SEC31A: variants seen among roughly 807,000 people sequenced by gnomAD.
The protein encoded by SEC31A is protein transport protein Sec31A.
A neutral mutation model predicts 151.0 loss-of-function variants in SEC31A; 70 were observed. The ratio of observed to expected loss-of-function variants is 0.46; its 90% CI spans 0.38 to 0.57. The LOEUF is 0.57. SEC31A is among the 20% of genes least tolerant of loss of function. SEC31A has a pLI of 0.00. For synonymous variants in SEC31A, 475 were observed against 505.9 expected (o/e 0.94, Z 0.82); for missense variants, 1,330 against 1,471.2 (o/e 0.90, Z 1.57).
chr4:82,857,619 C>T (rs1188340145), intron 15 of SEC31A, 70 bp downstream of exon 15: 1 of 1,029,528 alleles, frequency 9.7e-7, no homozygotes, highest in East Asian at 2.4e-5. Flanking sequence ...AGCATTTTAA[C>T]TTAAATGCAG....
intron 1 of SEC31A, among the ~76,000 whole-genome samples, chr4:82,884,356 T>C (rs1218635387): frequency 1.3e-5 from 2 of 152,034 alleles, no homozygotes; most frequent in Non-Finnish European, 2.9e-5. Flanking sequence ...AAAAAAAAAA[T>C]TTCTTTTCAC....
At chr4:82,888,521 C>G (rs1056965510) in intron 1 of SEC31A, among the ~76,000 whole-genome samples, 1 of 151,902 alleles carries the variant, frequency 6.6e-6, no homozygotes, top group Non-Finnish European at 1.5e-5. Flanking sequence ...GAAACCCTGT[C>G]TCTACTAAAA....
chr4:82,875,889 C>A, intron 4 of SEC31A, 67 bp from the exon 5 acceptor site: 1 of 851,512 alleles, frequency 1.2e-6, no homozygotes, highest in South Asian at 1.8e-5. Context: ...TAACTCAGTT[C>A]AGAGCTAGAA....
chr4:82,837,351 CTT>C (rs1727640180), intron 22 of SEC31A, among the ~76,000 whole-genome samples: 2 of 151,142 alleles, frequency 1.3e-5, no homozygotes, highest in South Asian at 2.1e-4. Context: ...TTTTATATGA[CTT>C]TGAGTCTTTT....
intron 19 of SEC31A, among the ~76,000 whole-genome samples, chr4:82,849,572 C>CCACT (rs1731001122): frequency 6.8e-6 from 1 of 147,452 alleles, no homozygotes; most frequent in Non-Finnish European, 1.5e-5. Context: ...TGAGAACATA[C>CCACT]CACTGCACTC....
intron 5 of SEC31A, 65 bp downstream of exon 5, chr4:82,875,662 A>G (rs1386090797): frequency 1.2e-6 from 1 of 837,132 alleles, no homozygotes; most frequent in Non-Finnish European, 2.0e-6. Flanking sequence ...AAGTGAAATA[A>G]GTAGGTTTAG....
At chr4:82,844,324 T>C in intron 21 of SEC31A, 62 bp downstream of exon 21, 2 of 1,555,740 alleles carry the variant, frequency 1.3e-6, no homozygotes, top group Non-Finnish European at 1.8e-6. Context: ...GGCTTCAAAG[T>C]AAAGTTACTA....
At chr4:82,821,240 T>C (rs1487299710) in intron 25 of SEC31A, 132 bp from the exon 26 acceptor site, 43 of 712,908 alleles carry the variant, frequency 6.0e-5, no homozygotes, top group Non-Finnish European at 9.8e-5. Flanking sequence ...TGGAGGCAAC[T>C]ACAACTAAGA....
intron 7 of SEC31A, chr4:82,871,673 TTTATAAAAC>T: frequency 1.9e-6 from 1 of 524,598 alleles, no homozygotes; most frequent in East Asian, 3.2e-5. Flanking sequence ...CTATAAAATT[TTTATAAAAC>T]TATAAAAATT....
intron 14 of SEC31A, 86 bp from the exon 15 acceptor site, chr4:82,857,850 A>G: frequency 1.2e-6 from 1 of 814,268 alleles, no homozygotes; most frequent in Non-Finnish European, 2.0e-6. Context: ...ATGATTCTTC[A>G]TCTACAGAGT....
chr4:82,837,969 T>C (rs1170103675), intron 22 of SEC31A, among the ~76,000 whole-genome samples: 5 of 152,332 alleles, frequency 3.3e-5, no homozygotes, highest in African/African-American at 1.2e-4. Context: ...TAGAGCATCT[T>C]TGTCAACCAT....
intron 1 of SEC31A, among the ~76,000 whole-genome samples, chr4:82,884,171 T>A (rs1023847087): frequency 6.6e-6 from 1 of 151,822 alleles, no homozygotes; most frequent in Non-Finnish European, 1.5e-5. Flanking sequence ...GTATTTTTAG[T>A]AGAGACGGGG....
chr4:82,867,382 C>G (rs1342235173), intron 8 of SEC31A, 66 bp from the exon 9 acceptor site: 2 of 1,363,058 alleles, frequency 1.5e-6, no homozygotes, highest in Non-Finnish European at 2.1e-6. Flanking sequence ...ACCAAAACAC[C>G]TGAATTAATG....
chr4:82,874,064 C>T (rs1737377652), intron 6 of SEC31A, among the ~76,000 whole-genome samples: 1 of 151,964 alleles, frequency 6.6e-6, no homozygotes, highest in African/African-American at 2.4e-5. Flanking sequence ...CTTTGGGAGG[C>T]CGAGGCAGGC....
rs932980429 is a variant in SEC31A at position 82,844,474 on chromosome 4, A to G, written c.2538T>C (p.His846=). The G allele has an allele frequency of 6.2e-7, 1 of 1,613,928 alleles. No homozygotes were observed. Among genetic ancestry groups the G allele is most frequent in the Non-Finnish European group, 8.5e-7 (1 of 1,179,770 alleles). ...CAGCAGCATTTGGATTAACATTTCC[A>G]TGCATTATGAAACCCGGAGGTGGAG... ...ENPPPPGFIM[H]GNVNPNAAGQ... is the part of the protein sequence containing the mutation. Residue 846 remains histidine, a synonymous_variant, in exon 21 of 27, where the codon CAT becomes CAC. Transcript: ENST00000395310.
At chr4:82,862,646 C>A in intron 12 of SEC31A, 74 bp from the exon 13 acceptor site, 1 of 1,328,194 alleles carries the variant, frequency 7.5e-7, no homozygotes, top group Non-Finnish European at 1.1e-6. Flanking sequence ...TCACCTCTTG[C>A]TTCTCACTGG....
rs576592020 is a variant in SEC31A at position 82,827,709 on chromosome 4, G to A, written c.3028-77C>T. 1.1e-5 allele frequency: 17 copies of A among 1,489,350 alleles called. No homozygotes were observed. In the Admixed American group the frequency reaches 1.4e-4, roughly 12 times the overall value. The allele number at this position is 1,489,350 out of a possible 1,614,324, so 92.3% of individuals were successfully genotyped here. On this transcript the variant is annotated intron_variant, in intron 23 of 26. Coordinates refer to ENST00000395310, the MANE Select transcript of SEC31A (RefSeq NM_001077207.4). Reference sequence around the variant, plus strand: ...CAACATTTCTTCAGCTTAAAATAAGGGAGTTAGGTTATACCACGGCTAAAC... The same window carrying A: ...CAACATTTCTTCAGCTTAAAATAAGAGAGTTAGGTTATACCACGGCTAAAC...
chr4:82,874,829 AT>A lies in SEC31A; in HGVS notation c.499-79del, dbSNP rs548142975. On this transcript the variant is annotated intron_variant, in intron 5 of 26. Transcript: ENST00000395310. ...ATTTAACTGTAAAATTGGATCCTTC[AT>A]TTTGAAAAGTGTATTACTTAAAAAT... 189 of 1,522,944 alleles carry A rather than the reference AT, an allele frequency of 1.2e-4. 3 individuals carry two copies. In the South Asian group the frequency reaches 1.7e-3, roughly 14 times the overall value. 94.3% of individuals were successfully genotyped at this position (1,522,944 alleles called of 1,614,324 possible). A position where few individuals can be genotyped will look rare whatever the true frequency, so the allele number is the denominator to read the frequency against.
rs201988682 is a variant in SEC31A, at chr4:82,858,542, CAAAAAAAAAAAAAA to C, written c.1627-792_1627-779del. Among the ~76,000 whole-genome samples the C allele has an allele frequency of 9.5e-5, 6 of 62,954 alleles. No individual in the cohort carries two copies. In the East Asian group the frequency reaches 1.2e-3, roughly 13 times the overall value. 41.3% of individuals were successfully genotyped at this position (62,954 alleles called of 152,430 possible). Reference sequence around the variant, plus strand: ...CTGGCGACAGAGCGAGACTCTGTCTCAAAAAAAAAAAAAAAAAAAAAAAAAAAAGAACACTATTA... The same window carrying C: ...CTGGCGACAGAGCGAGACTCTGTCTCAAAAAAAAAAAAAAGAACACTATTA... On this transcript the variant is annotated intron_variant, in intron 14 of 26. Transcript: ENST00000395310.
Sources: gnomAD v4.1 joint callset for allele counts (sites outside exome capture counted in the v4.1 genomes callset) on GRCh38, gnomAD v4.1.1 for gene constraint, MANE v1.5 for transcripts, NCBI Gene and HGNC (gene_info 2026-07-23, HGNC 2026-07-21) for gene names.